LRMDA: variants seen among roughly 807,000 people sequenced by gnomAD.
LRMDA encodes leucine-rich melanocyte differentiation-associated protein.
A neutral mutation model predicts 29.8 loss-of-function variants in LRMDA; 18 were observed. That is an observed-to-expected ratio of 0.60 (90% CI 0.42 to 0.90). The LOEUF is 0.90. LRMDA is among the 40% of genes least tolerant of loss of function. The probability of loss-of-function intolerance (pLI) is 0.00; values close to 1 mark genes in which losing one functional copy is unlikely to be tolerated. For missense variants in LRMDA, 273 were observed against 273.9 expected (o/e 1.00, Z 0.02); for synonymous variants, 125 against 109.4 (o/e 1.14, Z -0.89).
At chr10:76,297,100 C>T (rs900748197) in intron 5 of LRMDA, among the ~76,000 whole-genome samples, 2 of 152,232 alleles carry the variant, frequency 1.3e-5, no homozygotes, top group Non-Finnish European at 2.9e-5. Context: ...CTTAAATGAT[C>T]CGCAGATACC....
At chr10:75,681,617 A>C (rs189607831) in intron 2 of LRMDA, among the ~76,000 whole-genome samples, 17 of 152,312 alleles carry the variant, frequency 1.1e-4, no homozygotes, top group African/African-American at 3.8e-4. Flanking sequence ...GGATCAGTGG[A>C]GTACCAGAGC....
intron 2 of LRMDA, among the ~76,000 whole-genome samples, chr10:75,893,119 C>T (rs935380336): frequency 3.9e-5 from 6 of 152,122 alleles, no homozygotes; most frequent in Non-Finnish European, 5.9e-5. Context: ...GTTTGTACAG[C>T]GTGTGTTTGG....
intron 2 of LRMDA, among the ~76,000 whole-genome samples, chr10:75,492,010 C>T (rs1844994151): frequency 6.6e-6 from 1 of 152,188 alleles, no homozygotes; most frequent in Non-Finnish European, 1.5e-5. Context: ...GCCTTGGGAA[C>T]AGTGCCCTCA....
chr10:75,649,453 G>A (rs1841570066), intron 2 of LRMDA, among the ~76,000 whole-genome samples: 1 of 152,172 alleles, frequency 6.6e-6, no homozygotes, highest in Non-Finnish European at 1.5e-5. Context: ...CACAACACTT[G>A]TGTATCTGTT....
chr10:76,427,974 C>T lies in LRMDA; in HGVS notation c.601+103489C>T, dbSNP rs572042328. ...GAAGCCCAGTTGATCATGGTGGATA[C>T]GCTTTTTGATGTGCTCCTGGATTCG... is the stretch of plus-strand genomic sequence containing the variant. On this transcript the variant is annotated intron_variant, in intron 6 of 6. Coordinates refer to ENST00000611255, the MANE Select transcript of LRMDA (RefSeq NM_001305581.2). Among the ~76,000 whole-genome samples, 632 of 152,238 alleles carry T rather than the reference C, an allele frequency of 4.2e-3. 3 individuals carry two copies. Among genetic ancestry groups the T allele is most frequent in the African/African-American group, 4.6e-3 (190 of 41,540 alleles).
chr10:75,447,448 C>G (rs1356921366), intron 2 of LRMDA, among the ~76,000 whole-genome samples: 2 of 152,070 alleles, frequency 1.3e-5, no homozygotes, highest in African/African-American at 4.8e-5. Flanking sequence ...ATTCCTTGAA[C>G]CCAGGAGGCA....
chr10:76,015,780 T>C (rs1344090222), intron 2 of LRMDA, among the ~76,000 whole-genome samples: 2 of 152,212 alleles, frequency 1.3e-5, no homozygotes, highest in Non-Finnish European at 2.9e-5. Flanking sequence ...ACAGATTTCA[T>C]TGGCTATCTT....
intron 2 of LRMDA, among the ~76,000 whole-genome samples, chr10:75,696,353 GA>G (rs1303217724): frequency 6.6e-6 from 1 of 152,216 alleles, no homozygotes; most frequent in Non-Finnish European, 1.5e-5. Flanking sequence ...GAGCCAAAGG[GA>G]AAGAAAGCTC....
chr10:75,518,321 C>A (rs1450445273), intron 2 of LRMDA, among the ~76,000 whole-genome samples: 1 of 152,198 alleles, frequency 6.6e-6, no homozygotes, highest in Non-Finnish European at 1.5e-5. Flanking sequence ...GGCTGTGAAT[C>A]CGTCTGGTCC....
intron 2 of LRMDA, among the ~76,000 whole-genome samples, chr10:75,643,750 T>TA (rs1157556227): frequency 2.0e-5 from 3 of 152,280 alleles, no homozygotes; most frequent in Non-Finnish European, 2.9e-5. Context: ...CAATTTTCTT[T>TA]AAAAAAATAA....
chr10:76,109,889 G>T (rs1341746328), intron 5 of LRMDA, among the ~76,000 whole-genome samples: 2 of 152,030 alleles, frequency 1.3e-5, no homozygotes, highest in East Asian at 1.9e-4. Context: ...CACCATCTCT[G>T]TACAGGCTCA....
In LRMDA at chr10:75,671,326, G is replaced by T. The variant is rs143184284; in HGVS notation, c.131+232832G>T. Reference sequence around the variant, plus strand: ...GCTGCCTGGTATAAGGATAGGGTTTGAGTATTCCAAGACTCTTGGTCATAA... The same window carrying T: ...GCTGCCTGGTATAAGGATAGGGTTTTAGTATTCCAAGACTCTTGGTCATAA... On this transcript the variant is annotated intron_variant, in intron 2 of 6. Coordinates refer to ENST00000611255, the MANE Select transcript of LRMDA (RefSeq NM_001305581.2). Among the ~76,000 whole-genome samples the T allele has an allele frequency of 3.6e-3, 541 of 152,286 alleles. 3 individuals are homozygous for T. Among genetic ancestry groups the T allele is most frequent in the African/African-American group, 0.012 (506 of 41,558 alleles).
Position 76,365,085 on chromosome 10 carries a change from C to CATAT in LRMDA, c.601+40620_601+40623dup, listed in dbSNP as rs554375602. 1.6e-3 allele frequency among the ~76,000 whole-genome samples: 113 copies of CATAT among 69,764 alleles called. 6 individuals are homozygous for CATAT. Among genetic ancestry groups the CATAT allele is most frequent in the East Asian group, 4.2e-3 (17 of 4,018 alleles). 45.8% of individuals were successfully genotyped at this position (69,764 alleles called of 152,430 possible). A position where few individuals can be genotyped will look rare whatever the true frequency, so the allele number is the denominator to read the frequency against. ...TCGTATATATATACACACACACACA[C>CATAT]ATATATATATATATATATATATACA... On this transcript the variant is annotated intron_variant, in intron 6 of 6. Coordinates refer to ENST00000611255, the MANE Select transcript of LRMDA (RefSeq NM_001305581.2).
chr10:76,251,556 C>T (rs567094936), intron 5 of LRMDA, among the ~76,000 whole-genome samples: 236 of 152,292 alleles, frequency 1.5e-3, no homozygotes, highest in African/African-American at 5.2e-3. Flanking sequence ...CCGGCCCTCC[C>T]GTCGCTTCTA....
intron 6 of LRMDA, among the ~76,000 whole-genome samples, chr10:76,523,673 T>G (rs1428162427): frequency 6.6e-6 from 1 of 152,120 alleles, no homozygotes; most frequent in African/African-American, 2.4e-5. Context: ...AGGCACAAGT[T>G]TCTGTTATTT....
intron 2 of LRMDA, among the ~76,000 whole-genome samples, chr10:75,671,531 C>G (rs1841891128): frequency 6.6e-6 from 1 of 152,116 alleles, no homozygotes; most frequent in African/African-American, 2.4e-5. Context: ...CAAACTAACA[C>G]AGGAACAGAA....
Position 76,027,320 on chromosome 10 carries a change from TA to T in LRMDA, c.132-8685del, listed in dbSNP as rs529707148. Among the ~76,000 whole-genome samples the T allele has an allele frequency of 1.4e-4, 21 of 152,346 alleles. 2 individuals are homozygous for T. In the South Asian group the frequency reaches 4.4e-3, roughly 32 times the overall value. On this transcript the variant is annotated intron_variant, in intron 2 of 6. Coordinates refer to ENST00000611255, the MANE Select transcript of LRMDA (RefSeq NM_001305581.2). The stretch of plus-strand genomic sequence containing the variant: ...CTCTTCCCAGACACTGCTCTTTTTC[TA>T]AAGCTTCTACATGTTATGTATGTGG...
At chr10:76,338,296 T>C (rs1840994139) in intron 6 of LRMDA, among the ~76,000 whole-genome samples, 1 of 151,752 alleles carries the variant, frequency 6.6e-6, no homozygotes, top group South Asian at 2.1e-4. Context: ...GAGACTGTAG[T>C]GTTGAGTGAT....
intron 5 of LRMDA, among the ~76,000 whole-genome samples, chr10:76,188,079 G>A (rs375690332): frequency 7.4e-4 from 113 of 152,230 alleles, no homozygotes; most frequent in Middle Eastern, 3.4e-3. Context: ...TTTCGATGGA[G>A]CTCACTGGTT....
Sources: allele counts gnomAD v4.1 joint callset (sites outside exome capture counted in the v4.1 genomes callset), GRCh38; gene constraint gnomAD v4.1.1; transcripts MANE v1.5; gene names NCBI Gene and HGNC (gene_info 2026-07-23, HGNC 2026-07-21).